Variants in LAMC2 observed in about 807,000 individuals in gnomAD.
LAMC2 encodes the protein laminin subunit gamma 2, also known as laminin subunit gamma-2.
A neutral mutation model predicts 140.2 loss-of-function variants in LAMC2; 97 were observed. The ratio of observed to expected loss-of-function variants is 0.69; its 90% CI spans 0.59 to 0.82. The LOEUF is 0.82. LAMC2 is among the 40% of genes least tolerant of loss of function. LAMC2 has a pLI of 0.00. For synonymous variants in LAMC2, 513 were observed against 540.2 expected, an observed-to-expected ratio of 0.95 and a Z score of 0.70; for missense variants, 1,402 against 1,476.1, an observed-to-expected ratio of 0.95 and a Z score of 0.82.
In LAMC2 at chr1:183,215,713, T is replaced by G. The variant is rs875794; in HGVS notation, c.404+125T>G. 254,395 of 1,120,678 alleles carry G rather than the reference T, an allele frequency of 0.23. 35,273 individuals carry two copies. Among genetic ancestry groups the G allele is most frequent in the African/African-American group, 0.53 (34,584 of 65,120 alleles). The allele number at this position is 1,120,678 out of a possible 1,614,324, so 69.4% of individuals were successfully genotyped here. A position where few individuals can be genotyped will look rare whatever the true frequency, so the allele number is the denominator to read the frequency against. ...AAACACTGCTTTGAGAGTACATCAT[T>G]TGGGCTATCTACTTTAATCCTCACA... On this transcript the variant is annotated intron_variant, in intron 3 of 22. Transcript: ENST00000264144.
rs746334000 is a variant in LAMC2, at chr1:183,231,010, T to C, written c.1764T>C (p.Asp588=). The change falls in exon 12 of 23, where the codon GAT becomes GAC. Residue 588 remains aspartate, a synonymous_variant. Transcript: ENST00000264144. ...CAGAGCCTGTAGGATGTCGAAGTGA[T>C]GGCACCTGTGTTTGCAAGCCAGGAT... ...MGSEPVGCRS[D]GTCVCKPGFG... 4 of 1,614,176 alleles carry C rather than the reference T, an allele frequency of 2.5e-6. No individual in the cohort carries two copies. Among genetic ancestry groups the C allele is most frequent in the Non-Finnish European group, 3.4e-6 (4 of 1,180,014 alleles).
At position 183,228,310 on chromosome 1, in the gene LAMC2, C is replaced by T; in HGVS notation, c.1469-64C>T. ...CTAGAGGGTGACTCGCAACTTTAGG[C>T]CTCTGCGTCTGGTCTTCCTCCTGAT... On this transcript the variant is annotated intron_variant, in intron 10 of 22. Coordinates refer to ENST00000264144, the MANE Select transcript of LAMC2 (RefSeq NM_005562.3). This position sits in a 1 kb window ranked among gnomAD's most constrained non-coding sequence, Gnocchi z 4.3. 3.1e-6 allele frequency: 5 copies of T among 1,609,114 alleles called. No individual in the cohort carries two copies. The East Asian group carries it at 1.1e-4, about 36-fold the overall frequency.
At chr1:183,248,376 A>G (rs1265761339), downstream of LAMC2, 1 of 152,650 alleles carries the variant, frequency 6.6e-6, no homozygotes, top group Non-Finnish European at 1.5e-5. Context: ...ATTTTTTATT[A>G]ATGAATTGAT....
intron 1 of LAMC2, among the ~76,000 whole-genome samples, chr1:183,188,200 C>T (rs924813445): frequency 1.3e-5 from 2 of 152,172 alleles, no homozygotes; most frequent in East Asian, 3.9e-4. Flanking sequence ...GTTTTATTCT[C>T]CCTCCTCAGA....
At chr1:183,241,303 C>T (rs1571543485) in intron 22 of LAMC2, 3 of 983,990 alleles carry the variant, frequency 3.0e-6, no homozygotes, top group Non-Finnish European at 3.6e-6. Context: ...TACATTTGTT[C>T]CTCCCCAAAC....
In LAMC2 at chr1:183,244,756, C is replaced by G. The variant is rs1440866354; in HGVS notation, c.*1356C>G. On this transcript the variant is annotated 3_prime_UTR_variant, in exon 23 of 23. Transcript: ENST00000264144. ...CCTTTCTACAACTGATTGCAACAGA[C>G]TGTTGAGTTATGATAACACCAGTGG... 2 of 152,638 alleles carry G rather than the reference C, an allele frequency of 1.3e-5. No homozygotes were observed. Among genetic ancestry groups the G allele is most frequent in the African/African-American group, 2.4e-5 (1 of 41,450 alleles). 9.5% of individuals were successfully genotyped at this position (152,638 alleles called of 1,614,324 possible).
chr1:183,243,080 C>T (rs1387929633), intron 22 of LAMC2, 67 bp from the exon 23 acceptor site: 17 of 1,575,128 alleles, frequency 1.1e-5, no homozygotes, highest in Non-Finnish European at 1.5e-5. Flanking sequence ...TATAGAAGGG[C>T]ACGGGTGTTC....
chr1:183,186,500 A>G lies in LAMC2; in HGVS notation c.79+69A>G. 6.5e-6 allele frequency: 10 copies of G among 1,534,952 alleles called. No individual in the cohort carries two copies. In the East Asian group the frequency reaches 2.3e-4, roughly 35 times the overall value. On this transcript the variant is annotated intron_variant, in intron 1 of 22. Coordinates refer to ENST00000264144, the MANE Select transcript of LAMC2 (RefSeq NM_005562.3). ...AATCTGCCTTTCTCTGCAGACCGTG[A>G]TGGCTGAACGTACCTCCGAGGATTC... is the stretch of plus-strand genomic sequence containing the variant.
intron 5 of LAMC2, 100 bp downstream of exon 5, chr1:183,221,061 G>T: frequency 8.8e-7 from 1 of 1,140,538 alleles, no homozygotes; most frequent in Non-Finnish European, 1.3e-6. Flanking sequence ...ATTCTCTTTA[G>T]AAATTCTCTT....
intron 7 of LAMC2, among the ~76,000 whole-genome samples, chr1:183,224,035 A>G (rs778076500): frequency 4.6e-5 from 7 of 152,150 alleles, no homozygotes; most frequent in Non-Finnish European, 2.9e-5. Flanking sequence ...ACAATGTATA[A>G]CATGTCAAAA....
Position 183,232,855 on chromosome 1 carries a change from A to G in LAMC2, c.2218A>G (p.Thr740Ala). 6.2e-7 allele frequency: 1 copy of G among 1,613,946 alleles called. No homozygotes were observed. Among genetic ancestry groups the G allele is most frequent in the South Asian group, 1.1e-5 (1 of 91,066 alleles). Reference sequence around the variant, plus strand: ...AGAAAGTGAAGCTTCCTTGGGAAACACTGTAGGTTTTTGCTGGGCTAGAGT... The same window carrying G: ...AGAAAGTGAAGCTTCCTTGGGAAACGCTGTAGGTTTTTGCTGGGCTAGAGT... ...LAESEASLGN[T>A]NIPASDHYVG... The change falls in exon 14 of 23, where the codon ACT (threonine) becomes GCT (alanine). Residue 740 changes from threonine (T) to alanine (A), a missense_variant and splice_region_variant. Thr to Ala is a moderately conservative substitution (Grantham distance 58, BLOSUM62 0). This residue lies in a region of LAMC2 where 670 missense variants were observed against 667.2 expected (regional missense o/e 1.00). Coordinates refer to ENST00000264144, the MANE Select transcript of LAMC2 (RefSeq NM_005562.3).
At chr1:183,246,102 G>A (rs534008695), downstream of LAMC2, among the ~76,000 whole-genome samples, 1 of 151,628 alleles carries the variant, frequency 6.6e-6, no homozygotes, top group South Asian at 2.1e-4. Flanking sequence ...CCTGGGAGGT[G>A]GAGCTTGCAG....
intron 1 of LAMC2, among the ~76,000 whole-genome samples, chr1:183,190,990 A>G (rs558826010): frequency 6.6e-6 from 1 of 152,172 alleles, no homozygotes; most frequent in Admixed American, 6.5e-5. Flanking sequence ...TATATGCAAC[A>G]CCTTTCAGCA....
At chr1:183,189,243 C>A (rs995020133) in intron 1 of LAMC2, among the ~76,000 whole-genome samples, 1 of 152,070 alleles carries the variant, frequency 6.6e-6, no homozygotes, top group South Asian at 2.1e-4. Flanking sequence ...GGATCCAAGG[C>A]TTTAGGTTTG....
At position 183,243,276 on chromosome 1, in the gene LAMC2, G is replaced by A. The variant is rs371544411; in HGVS notation, c.3458G>A (p.Arg1153Lys). Residue 1153 changes from arginine to lysine, a missense_variant, in exon 23 of 23, where the codon AGG becomes AAG. Transcript: ENST00000264144. ...SELEERARQQ[R>K]GHLHLLETSI... ...CTGGAAGAGAGGGCACGTCAGCAGA[G>A]GGGCCACCTCCATTTGCTGGAGACA... The A allele has an allele frequency of 4.3e-6, 7 of 1,614,058 alleles. No homozygotes were observed.
At chr1:183,255,173 G>A in the LAMC2 span, among the ~76,000 whole-genome samples, 2 of 152,282 alleles carry the variant, frequency 1.3e-5, no homozygotes, top group African/African-American at 2.4e-5. Flanking sequence ...TGAAGAGACT[G>A]TCCTCTCTTT....
At chr1:183,204,997 A>T (rs1311398321) in intron 1 of LAMC2, among the ~76,000 whole-genome samples, 1 of 152,008 alleles carries the variant, frequency 6.6e-6, no homozygotes, top group Non-Finnish European at 1.5e-5. Flanking sequence ...TAATTTTTGT[A>T]TTTTTAGTAG....
intron 19 of LAMC2, 101 bp downstream of exon 19, chr1:183,238,522 G>C: frequency 1.3e-6 from 1 of 773,068 alleles, no homozygotes; most frequent in Non-Finnish European, 2.3e-6. Flanking sequence ...CAGGTATATT[G>C]GGATATTAAT....
intron 9 of LAMC2, 140 bp downstream of exon 9, chr1:183,227,056 C>T (rs1022357717): frequency 7.2e-6 from 5 of 694,422 alleles, no homozygotes; most frequent in Admixed American, 5.2e-5. Context: ...GGAAGATGGA[C>T]ATGGTGCCTT....
Sources: gnomAD v4.1 joint callset for allele counts (sites outside exome capture counted in the v4.1 genomes callset) on GRCh38, gnomAD v4.1.1 for gene constraint, gnomAD v4.1.1 regional missense constraint, Gnocchi (gnomAD v3.1) non-coding constraint, MANE v1.5 for transcripts, NCBI Gene and HGNC (gene_info 2026-07-23, HGNC 2026-07-21) for gene names.